The following PBX3 variants were observed in gnomAD, a reference collection of about 807,000 sequenced individuals.
PBX3 encodes the protein pre-B-cell leukemia transcription factor 3.
PBX3 carries 14 observed loss-of-function variants against 48.5 expected under a neutral mutation model. That is an observed-to-expected ratio of 0.29 (90% CI 0.19 to 0.45). The LOEUF is 0.45. Among genes scored for constraint, PBX3 ranks in the 20% least tolerant of loss-of-function variants. The pLI, the probability that PBX3 is intolerant of heterozygous loss-of-function variation, is 1.00. For synonymous variants in PBX3, 210 were observed against 200.3 expected (o/e 1.05, Z -0.41); for missense variants, 386 against 546.7 (o/e 0.71, Z 2.93).
chr9:125,897,524 T>A (rs939891547), intron 2 of PBX3, among the ~76,000 whole-genome samples: 2 of 151,870 alleles, frequency 1.3e-5, no homozygotes, highest in African/African-American at 4.8e-5. Context: ...TTACAATTTT[T>A]CTTTAAAATA....
intron 2 of PBX3, among the ~76,000 whole-genome samples, chr9:125,811,842 A>G (rs1838299903): frequency 6.6e-6 from 1 of 151,800 alleles, no homozygotes; most frequent in Non-Finnish European, 1.5e-5. Context: ...TGTCCTCATG[A>G]CCTATTTATC....
At chr9:125,864,504 C>T (rs752126016) in intron 2 of PBX3, among the ~76,000 whole-genome samples, 1 of 152,128 alleles carries the variant, frequency 6.6e-6, no homozygotes, top group Non-Finnish European at 1.5e-5. Flanking sequence ...ACACAACTTA[C>T]CATAATGTAG....
intron 2 of PBX3, among the ~76,000 whole-genome samples, chr9:125,891,602 A>C (rs952394481): frequency 1.3e-5 from 2 of 152,252 alleles, no homozygotes; most frequent in African/African-American, 4.8e-5. Flanking sequence ...TTGAACTCAC[A>C]ATGAAAGAAA....
chr9:125,945,617 C>T (rs1393589749), intron 5 of PBX3, among the ~76,000 whole-genome samples: 2 of 152,166 alleles, frequency 1.3e-5, no homozygotes, highest in African/African-American at 4.8e-5. Context: ...CTTATTCACC[C>T]TTATATTCTC....
chr9:125,778,605 CTTTTTTT>C (rs138965100), intron 2 of PBX3, among the ~76,000 whole-genome samples: 1 of 132,902 alleles, frequency 7.5e-6, no homozygotes, highest in Non-Finnish European at 1.6e-5. Flanking sequence ...TTGATCTTTT[CTTTTTTT>C]TTTTTTTCAT....
intron 3 of PBX3, among the ~76,000 whole-genome samples, chr9:125,926,395 C>T (rs1454194292): frequency 1.3e-5 from 2 of 152,086 alleles, no homozygotes; most frequent in South Asian, 2.1e-4. Context: ...TGGCATATGC[C>T]TGTAATCCCA....
At chr9:125,751,765 A>G (rs1004261002) in intron 2 of PBX3, among the ~76,000 whole-genome samples, 3 of 152,182 alleles carry the variant, frequency 2.0e-5, no homozygotes, top group Non-Finnish European at 4.4e-5. Context: ...TTAAAGCCAT[A>G]TTTTATCATC....
chr9:125,820,223 A>G (rs1838609975), intron 2 of PBX3, among the ~76,000 whole-genome samples: 1 of 152,186 alleles, frequency 6.6e-6, no homozygotes, highest in African/African-American at 2.4e-5. Context: ...GACTTACTGG[A>G]TATTTAAGGT....
At chr9:125,851,157 A>G (rs1839566388) in intron 2 of PBX3, among the ~76,000 whole-genome samples, 1 of 152,138 alleles carries the variant, frequency 6.6e-6, no homozygotes, top group Non-Finnish European at 1.5e-5. Context: ...TTATGGGTAG[A>G]GATGTCAAAA....
At chr9:125,828,721 G>A (rs577612928) in intron 2 of PBX3, among the ~76,000 whole-genome samples, 2 of 152,316 alleles carry the variant, frequency 1.3e-5, no homozygotes, top group East Asian at 1.9e-4. Flanking sequence ...CAGATTAAAA[G>A]TTTGGTAATA....
rs180859807 is a variant in PBX3, at chr9:125,834,844, C to T, written c.275-80842C>T. Among the ~76,000 whole-genome samples the T allele has an allele frequency of 3.9e-3, 588 of 149,464 alleles. 6 individuals are homozygous for T. The highest frequency in any genetic ancestry group is 0.013 in the African/African-American group (550 of 41,028). On this transcript the variant is annotated intron_variant, in intron 2 of 8. Transcript: ENST00000373489. ...CAGCCTGCCCAACATGGCGAAACCC[C>T]GTCTCTACCAAAAATACAAAAAATG...
At chr9:125,789,042 A>G (rs959775295) in intron 2 of PBX3, among the ~76,000 whole-genome samples, 6 of 151,986 alleles carry the variant, frequency 3.9e-5, no homozygotes, top group Admixed American at 1.3e-4. Flanking sequence ...TTATCTTTCT[A>G]TGATTTGCTT....
At chr9:125,821,427 G>T (rs527464794) in intron 2 of PBX3, among the ~76,000 whole-genome samples, 2 of 151,976 alleles carry the variant, frequency 1.3e-5, no homozygotes, top group South Asian at 2.1e-4. Flanking sequence ...TTGAAAGAAA[G>T]AATCTTTTTT....
At chr9:125,825,293 A>C (rs1230119447) in intron 2 of PBX3, among the ~76,000 whole-genome samples, 1 of 152,188 alleles carries the variant, frequency 6.6e-6, no homozygotes, top group Non-Finnish European at 1.5e-5. Context: ...CCCGCAAAAA[A>C]AAACAATTAT....
At chr9:125,898,608 G>A (rs1227280982) in intron 2 of PBX3, among the ~76,000 whole-genome samples, 1 of 151,696 alleles carries the variant, frequency 6.6e-6, no homozygotes, top group Non-Finnish European at 1.5e-5. Flanking sequence ...CCTCTCATTT[G>A]ATAGATGAGG....
chr9:125,835,880 C>T (rs776363954), intron 2 of PBX3, among the ~76,000 whole-genome samples: 1 of 152,126 alleles, frequency 6.6e-6, no homozygotes, highest in Non-Finnish European at 1.5e-5. Flanking sequence ...ATCAGTATAT[C>T]AAGACAATCT....
chr9:125,791,351 G>A (rs1333076534), intron 2 of PBX3, among the ~76,000 whole-genome samples: 5 of 112,178 alleles, frequency 4.5e-5, no homozygotes, highest in African/African-American at 1.8e-4. Flanking sequence ...ATCTATCTCT[G>A]TCAATCATCT....
chr9:125,855,993 A>AT (rs926575726), intron 2 of PBX3, among the ~76,000 whole-genome samples: 4 of 152,198 alleles, frequency 2.6e-5, no homozygotes, highest in Non-Finnish European at 5.9e-5. Flanking sequence ...AATTTACAAC[A>AT]TAATATCATG....
At chr9:125,780,305 T>A (rs1340769262) in intron 2 of PBX3, among the ~76,000 whole-genome samples, 1 of 121,794 alleles carries the variant, frequency 8.2e-6, no homozygotes, top group Non-Finnish European at 1.7e-5. Context: ...CACTTCCCAG[T>A]AGGGGCGGCT....
Sources: gnomAD v4.1 joint callset for allele counts (sites outside exome capture counted in the v4.1 genomes callset) on GRCh38, gnomAD v4.1.1 for gene constraint, MANE v1.5 for transcripts, NCBI Gene and HGNC (gene_info 2026-07-23, HGNC 2026-07-21) for gene names.